Variants in PCDHGA8 observed in about 807,000 individuals in gnomAD.
The protein encoded by PCDHGA8 is protocadherin gamma-A8.
PCDHGA8 carries 45 observed loss-of-function variants against 59.2 expected under a neutral mutation model. The ratio of observed to expected loss-of-function variants is 0.76; its 90% confidence interval spans 0.60 to 0.98. PCDHGA8 has a LOEUF of 0.98. PCDHGA8 is among the 50% of genes least tolerant of loss of function. PCDHGA8 has a pLI of 0.00. For synonymous variants in PCDHGA8, 531 were observed against 519.0 expected (o/e 1.02, Z -0.32); for missense variants, 1,257 against 1,196.2 (o/e 1.05, Z -0.75).
At chr5:141,419,174 A>G (rs1283454889) in intron 1 of PCDHGA8, 1 of 1,613,840 alleles carries the variant, frequency 6.2e-7, no homozygotes, top group East Asian at 2.2e-5. Flanking sequence ...CAAAACCATA[A>G]CCCTGCACAT....
chr5:141,480,429 T>A (rs72790066), intron 1 of PCDHGA8, among the ~76,000 whole-genome samples: 9,317 of 151,926 alleles, frequency 0.061, 335 homozygotes, highest in South Asian at 0.12. Context: ...AAAAAAATTA[T>A]CAGCTATTAC....
At chr5:141,484,453 C>T (rs1212059469) in intron 1 of PCDHGA8, among the ~76,000 whole-genome samples, 1 of 152,160 alleles carries the variant, frequency 6.6e-6, no homozygotes. Flanking sequence ...TAATTGGCTA[C>T]GTTAATGTGT....
Position 141,477,289 on chromosome 5 carries a change from T to G in PCDHGA8, c.2425-17518T>G, listed in dbSNP as rs759477848. On this transcript the variant is annotated intron_variant, in intron 1 of 3. Coordinates refer to ENST00000398604, the MANE Select transcript of PCDHGA8 (RefSeq NM_032088.2). The surrounding 1 kb of genome is among the most constrained non-coding windows in gnomAD (Gnocchi z 4.9). ...AGAACGGGCTGGTGACCTGCGAAGT[T>G]CCACCGGGTCTCCCTTTCAGCCTTA... The G allele has an allele frequency of 3.2e-5, 52 of 1,614,046 alleles. No individual in the cohort carries two copies. Among genetic ancestry groups the G allele is most frequent in the Non-Finnish European group, 4.2e-5 (50 of 1,180,040 alleles).
chr5:141,409,759 C>A, intron 1 of PCDHGA8: 1 of 1,612,958 alleles, frequency 6.2e-7, no homozygotes, highest in Non-Finnish European at 8.5e-7. Flanking sequence ...CGCAGCGCGC[C>A]TTTGATCACG....
rs375080564 is a variant in PCDHGA8 at position 141,486,676 on chromosome 5, T to C, written c.2425-8131T>C. On this transcript the variant is annotated intron_variant, in intron 1 of 3. Transcript: ENST00000398604. The surrounding 1 kb of genome is among the most constrained non-coding windows in gnomAD (Gnocchi z 5.0). ...CACTCCTGGAGCCCAGGAATCGAGA[T>C]GTATCAGCTTCCTCTTTCATCTCTC... The C allele has an allele frequency of 6.2e-7, 1 of 1,614,120 alleles. No homozygotes were observed. The highest frequency in any genetic ancestry group is 1.7e-5 in the Admixed American group (1 of 60,032).
At chr5:141,418,898 A>G (rs768409383) in intron 1 of PCDHGA8, 2 of 1,614,016 alleles carry the variant, frequency 1.2e-6, no homozygotes, top group South Asian at 2.2e-5. Flanking sequence ...CAGCCCAGAA[A>G]TAATCATCAC....
At chr5:141,429,469 T>C (rs547784462) in intron 1 of PCDHGA8, among the ~76,000 whole-genome samples, 4 of 151,932 alleles carry the variant, frequency 2.6e-5, no homozygotes, top group African/African-American at 4.8e-5. Context: ...CCCACCTCAA[T>C]CTCCAGAGTA....
chr5:141,427,483 A>G lies in PCDHGA8; in HGVS notation c.2424+32246A>G, dbSNP rs759092057. The G allele has an allele frequency of 1.5e-4, 79 of 535,350 alleles. 2 individuals carry two copies. The highest frequency in any genetic ancestry group is 1.1e-3 in the South Asian group (73 of 65,268). 33.2% of individuals were successfully genotyped at this position (535,350 alleles called of 1,614,324 possible). ...ATCGAATCTTCCGCCAATAATGACT[A>G]TAAGCTTGTAACAGATGGGACCCTG... On this transcript the variant is annotated intron_variant, in intron 1 of 3. Coordinates refer to ENST00000398604, the MANE Select transcript of PCDHGA8 (RefSeq NM_032088.2).
rs1001717368 is a variant in PCDHGA8 at position 141,405,559 on chromosome 5, G to A, written c.2424+10322G>A. ...CTCAGCCTCCCAAGTAGAGTAGCTG[G>A]GACTAGAGTAGAGTAGCTGGGACTA... On this transcript the variant is annotated intron_variant, in intron 1 of 3. Transcript: ENST00000398604. 1.8e-5 allele frequency: 11 copies of A among 614,566 alleles called. No individual in the cohort carries two copies. In the Admixed American group the frequency reaches 2.9e-4, roughly 16 times the overall value. The allele number at this position is 614,566 out of a possible 1,614,324, so 38.1% of individuals were successfully genotyped here.
intron 1 of PCDHGA8, among the ~76,000 whole-genome samples, chr5:141,425,696 A>G (rs1033976807): frequency 1.3e-4 from 20 of 152,242 alleles, no homozygotes; most frequent in African/African-American, 4.3e-4. Context: ...ATCATTTCAT[A>G]GTGGTCAAAA....
chr5:141,499,721 G>GTC (rs1434016871), intron 2 of PCDHGA8, among the ~76,000 whole-genome samples: 69 of 135,416 alleles, frequency 5.1e-4, no homozygotes, highest in African/African-American at 1.9e-3. Flanking sequence ...TGGAGACAGA[G>GTC]TCTCACTCTC....
intron 1 of PCDHGA8, among the ~76,000 whole-genome samples, chr5:141,464,525 A>G (rs919668801): frequency 3.3e-5 from 5 of 152,064 alleles, no homozygotes; most frequent in Non-Finnish European, 5.9e-5. Context: ...AGGCATATGT[A>G]GTTTTGTTAA....
chr5:141,468,820 C>G (rs1055751689), intron 1 of PCDHGA8, among the ~76,000 whole-genome samples: 1 of 151,830 alleles, frequency 6.6e-6, no homozygotes, highest in Non-Finnish European at 1.5e-5. Context: ...GAGCCAAGAT[C>G]AAGCCACTGC....
chr5:141,506,447 A>G (rs1405495926), intron 3 of PCDHGA8, among the ~76,000 whole-genome samples: 3 of 146,906 alleles, frequency 2.0e-5, no homozygotes, highest in Non-Finnish European at 3.0e-5. Flanking sequence ...TCTGTCTCAA[A>G]AAAAAAAAAA....
rs955615446 is a variant in PCDHGA8 at position 141,420,343 on chromosome 5, ATTATT to A, written c.2424+25110_2424+25114del. Reference sequence around the variant, plus strand: ...TGCCAATATATTCCAATATAGTGGTATTATTTTAAGATTCTAGATAACTTCTTCAT... The same window carrying A: ...TGCCAATATATTCCAATATAGTGGTATTAAGATTCTAGATAACTTCTTCAT... On this transcript the variant is annotated intron_variant, in intron 1 of 3. Transcript: ENST00000398604. 8 of 1,394,426 alleles carry A rather than the reference ATTATT, an allele frequency of 5.7e-6. No homozygotes were observed. In the African/African-American group the frequency reaches 1.2e-4, roughly 20 times the overall value. 86.4% of individuals were successfully genotyped at this position (1,394,426 alleles called of 1,614,324 possible).
At chr5:141,429,196 A>T (rs2097195436) in intron 1 of PCDHGA8, 2 of 151,994 alleles carry the variant, frequency 1.3e-5, no homozygotes, top group African/African-American at 4.8e-5. Context: ...ACACACACAC[A>T]CACACACACG....
Position 141,511,165 on chromosome 5 carries a change from A to G in PCDHGA8, c.2791A>G (p.Lys931Glu). 1 of 1,614,096 alleles carries G rather than the reference A, an allele frequency of 6.2e-7. No homozygotes were observed. Among genetic ancestry groups the G allele is most frequent in the East Asian group, 2.2e-5 (1 of 44,870 alleles). ...CAAGAAGAAGTCGGGCAAGAAGGAGAAGAAGTAACATGGAGGCCAGGCCAA... is the reference window on the plus strand; with the variant it reads ...CAAGAAGAAGTCGGGCAAGAAGGAGGAGAAGTAACATGGAGGCCAGGCCAA... ...GNKKKSGKKE[K>E]K Residue 931 changes from lysine (K) to glutamate (E), a missense_variant, in exon 4 of 4, where the codon AAG (lysine) becomes GAG (glutamate). Physicochemically the swap from Lys to Glu is moderately conservative, Grantham distance 56. Transcript: ENST00000398604.
At chr5:141,510,828 C>T in intron 3 of PCDHGA8, 119 bp from the exon 4 acceptor site, 18 of 1,572,154 alleles carry the variant, frequency 1.1e-5, no homozygotes, top group Non-Finnish European at 1.6e-5. Context: ...ATTCCCAGTG[C>T]TCAGCGTGGT....
chr5:141,450,734 G>A (rs1365470415), intron 1 of PCDHGA8, among the ~76,000 whole-genome samples: 6 of 151,868 alleles, frequency 4.0e-5, no homozygotes, highest in South Asian at 2.1e-4. Context: ...TGATCCGCCC[G>A]CCTTGGCCTC....
Sources: allele counts gnomAD v4.1 joint callset (sites outside exome capture counted in the v4.1 genomes callset), GRCh38; gene constraint gnomAD v4.1.1; non-coding constraint Gnocchi (gnomAD v3.1); transcripts MANE v1.5; gene names NCBI Gene and HGNC (gene_info 2026-07-23, HGNC 2026-07-21).